Variants in TMEM132B observed in about 807,000 individuals in gnomAD.
The protein encoded by TMEM132B is transmembrane protein 132B.
TMEM132B carries 18 observed loss-of-function variants against 90.8 expected under a neutral mutation model. That is an observed-to-expected ratio of 0.20 (90% CI 0.14 to 0.29). The LOEUF is 0.29. Among genes scored for constraint, TMEM132B ranks in the 10% least tolerant of loss-of-function variants. The probability of loss-of-function intolerance (pLI) is 1.00; values close to 1 mark genes in which losing one functional copy is unlikely to be tolerated. For missense variants in TMEM132B, 1,096 were observed against 1,326.8 expected (o/e 0.83, Z 2.70); for synonymous variants, 504 against 523.3 (o/e 0.96, Z 0.50).
intron 3 of TMEM132B, among the ~76,000 whole-genome samples, chr12:125,478,223 T>C (rs920661999): frequency 2.6e-5 from 4 of 152,168 alleles, no homozygotes; most frequent in African/African-American, 4.8e-5. Context: ...CAAAGGATCA[T>C]AGCTTCTTGC....
chr12:125,454,446 C>T (rs1376280335), intron 3 of TMEM132B, among the ~76,000 whole-genome samples: 5 of 151,486 alleles, frequency 3.3e-5, no homozygotes, highest in Non-Finnish European at 4.4e-5. Context: ...CCTAGCATTT[C>T]TCTGCATATG....
intron 1 of TMEM132B, among the ~76,000 whole-genome samples, chr12:125,232,473 A>C (rs1873849603): frequency 1.3e-5 from 2 of 151,972 alleles, no homozygotes; most frequent in Non-Finnish European, 2.9e-5. Flanking sequence ...TTTTGAGACA[A>C]ATATCTGTAA....
chr12:125,206,298 G>A (rs1041602629), intron 1 of TMEM132B, among the ~76,000 whole-genome samples: 3 of 152,048 alleles, frequency 2.0e-5, no homozygotes, highest in Non-Finnish European at 4.4e-5. Context: ...GAGTGCAGTG[G>A]TGCAATCTCA....
chr12:125,305,160 C>T (rs534110235), intron 1 of TMEM132B, among the ~76,000 whole-genome samples: 6 of 152,044 alleles, frequency 3.9e-5, no homozygotes, highest in South Asian at 2.1e-4. Flanking sequence ...CTTTTCAACC[C>T]GTCTCCTACA....
At chr12:125,589,371 A>G (rs547179497) in intron 5 of TMEM132B, among the ~76,000 whole-genome samples, 111 of 150,460 alleles carry the variant, frequency 7.4e-4, no homozygotes, top group African/African-American at 2.4e-3. Context: ...AGTCCCAGCT[A>G]CTCGGGAGGC....
At position 125,186,489 on chromosome 12, in the gene TMEM132B, C is replaced by CGCG. The variant is rs1235218002; in HGVS notation, c.-294_-292dup. 2.1e-4 allele frequency among the ~76,000 whole-genome samples: 30 copies of CGCG among 145,912 alleles called. No homozygotes were observed. The highest frequency in any genetic ancestry group is 5.4e-4 in the Admixed American group (8 of 14,680). The stretch of plus-strand genomic sequence containing the variant: ...GGGACGGGCGCTGGGGCGCAGGAGC[C>CGCG]GCGGCGGCGGCGGCGGCGGGGGCCG... On this transcript the variant is annotated 5_prime_UTR_variant, in exon 1 of 9. Transcript: ENST00000682704. The surrounding 1 kb of genome is among the most constrained non-coding windows in gnomAD (Gnocchi z 6.3).
intron 1 of TMEM132B, among the ~76,000 whole-genome samples, chr12:125,273,918 C>T (rs748253901): frequency 6.6e-6 from 1 of 152,204 alleles, no homozygotes; most frequent in Non-Finnish European, 1.5e-5. Context: ...CCCACCTTGG[C>T]CTCCCAAAGT....
intron 1 of TMEM132B, among the ~76,000 whole-genome samples, chr12:125,258,557 G>A (rs1325244919): frequency 6.6e-6 from 1 of 152,114 alleles, no homozygotes; most frequent in African/African-American, 2.4e-5. Flanking sequence ...TGCAAGGCAA[G>A]CTGCATGGCC....
chr12:125,460,445 T>G lies in TMEM132B; in HGVS notation c.1106+44768T>G, dbSNP rs984610905. On this transcript the variant is annotated intron_variant, in intron 3 of 8. Transcript: ENST00000682704. The surrounding 1 kb of genome is among the most constrained non-coding windows in gnomAD (Gnocchi z 4.4). ...AGGTGGAGGTTGCAGTGAGCCGAGA[T>G]CATGCCATTGCACTCCAGCCTGGGT... Among the ~76,000 whole-genome samples the G allele has an allele frequency of 6.6e-6, 1 of 152,014 alleles. No homozygotes were observed.
chr12:125,277,206 C>T lies in TMEM132B; in HGVS notation c.68-72246C>T, dbSNP rs1009110642. 6.6e-6 allele frequency among the ~76,000 whole-genome samples: 1 copy of T among 152,040 alleles called. No individual in the cohort carries two copies. Among genetic ancestry groups the T allele is most frequent in the South Asian group, 2.1e-4 (1 of 4,818 alleles). ...AGATGAAGAGGGAGAACAGGCCGGG[C>T]ACGATGGCTCATGCCTGTAGTCCCA... On this transcript the variant is annotated intron_variant, in intron 1 of 8. Coordinates refer to ENST00000682704, the MANE Select transcript of TMEM132B (RefSeq NM_001366854.1). The surrounding 1 kb of genome is among the most constrained non-coding windows in gnomAD (Gnocchi z 4.3).
At chr12:125,514,102 A>G (rs1284429791) in intron 3 of TMEM132B, among the ~76,000 whole-genome samples, 1 of 152,166 alleles carries the variant, frequency 6.6e-6, no homozygotes, top group Non-Finnish European at 1.5e-5. Flanking sequence ...GTCTTCTCTA[A>G]GCAGAGTATA....
chr12:125,369,867 G>T (rs1474837625), intron 2 of TMEM132B, among the ~76,000 whole-genome samples: 2 of 152,140 alleles, frequency 1.3e-5, no homozygotes, highest in Non-Finnish European at 2.9e-5. Flanking sequence ...TGGCCAACAT[G>T]GTGAAACCCT....
At position 125,597,923 on chromosome 12, in the gene TMEM132B, T is replaced by C. The variant is rs570683915; in HGVS notation, c.1437+13929T>C. The stretch of plus-strand genomic sequence containing the variant: ...CTTTATTCCACAATCTGTATTTTCC[T>C]GTGTGCTGCCACCATAAATGTGATC... On this transcript the variant is annotated intron_variant, in intron 5 of 8. Transcript: ENST00000682704. 5.9e-5 allele frequency among the ~76,000 whole-genome samples: 9 copies of C among 152,324 alleles called. No homozygotes were observed. In the South Asian group the frequency reaches 1.7e-3, roughly 28 times the overall value.
intron 4 of TMEM132B, among the ~76,000 whole-genome samples, chr12:125,562,707 T>C (rs1884563316): frequency 6.6e-6 from 1 of 152,158 alleles, no homozygotes; most frequent in Non-Finnish European, 1.5e-5. Context: ...CATACTATTC[T>C]CATGGTAGTG....
chr12:125,480,841 A>G (rs1593167306), intron 3 of TMEM132B, among the ~76,000 whole-genome samples: 1 of 152,250 alleles, frequency 6.6e-6, no homozygotes, highest in African/African-American at 2.4e-5. Flanking sequence ...CCTGATGAAC[A>G]TCAATGCGAA....
chr12:125,616,403 G>A (rs151282780), intron 5 of TMEM132B, among the ~76,000 whole-genome samples: 2 of 152,232 alleles, frequency 1.3e-5, no homozygotes, highest in African/African-American at 4.8e-5. Context: ...AGCCTGGCTG[G>A]CAAAGGTGGT....
chr12:125,208,864 C>T (rs956028359), intron 1 of TMEM132B, among the ~76,000 whole-genome samples: 16 of 152,172 alleles, frequency 1.1e-4, no homozygotes, highest in Admixed American at 1.0e-3. Flanking sequence ...GGGTTCTTGG[C>T]TGCCATAGAA....
At chr12:125,629,127 T>G (rs944987623) in intron 5 of TMEM132B, among the ~76,000 whole-genome samples, 6 of 152,148 alleles carry the variant, frequency 3.9e-5, no homozygotes, top group African/African-American at 1.4e-4. Context: ...GCTTTGGCTA[T>G]TCTGGGTCTT....
intron 4 of TMEM132B, among the ~76,000 whole-genome samples, chr12:125,581,486 G>T (rs780362008): frequency 2.0e-5 from 3 of 152,160 alleles, no homozygotes; most frequent in Non-Finnish European, 4.4e-5. Context: ...GTCTTTGTGG[G>T]CCAAGGGCTG....
Sources: gnomAD v4.1 joint callset for allele counts (sites outside exome capture counted in the v4.1 genomes callset) on GRCh38, gnomAD v4.1.1 for gene constraint, Gnocchi (gnomAD v3.1) non-coding constraint, MANE v1.5 for transcripts, NCBI Gene and HGNC (gene_info 2026-07-23, HGNC 2026-07-21) for gene names.